The following IFT88 variants were observed in gnomAD, a reference collection of about 807,000 sequenced individuals.
IFT88 encodes the protein intraflagellar transport protein 88 homolog.
A neutral mutation model predicts 119.5 loss-of-function variants in IFT88; 74 were observed. The observed-to-expected ratio is 0.62, with a 90% CI of 0.51 to 0.75. IFT88 has a LOEUF of 0.75. Among genes scored for constraint, IFT88 ranks in the 30% least tolerant of loss-of-function variants. The pLI is 0.00. For missense variants in IFT88, 961 were observed against 977.7 expected, an observed-to-expected ratio of 0.98 and a Z score of 0.23; for synonymous variants, 279 against 316.7, an observed-to-expected ratio of 0.88 and a Z score of 1.26.
intron 23 of IFT88, among the ~76,000 whole-genome samples, chr13:20,669,526 C>T (rs1001930970): frequency 1.3e-5 from 2 of 151,426 alleles, no homozygotes; most frequent in African/African-American, 2.4e-5. Context: ...CAGGTTCAAG[C>T]GATTCTTCTG....
chr13:20,653,577 TC>T (rs1378194356), intron 20 of IFT88, among the ~76,000 whole-genome samples: 2 of 150,034 alleles, frequency 1.3e-5, no homozygotes, highest in Non-Finnish European at 3.0e-5. Flanking sequence ...AAAGTAATGA[TC>T]CTTTAAGTTT....
chr13:20,620,847 T>C (rs58267814), intron 14 of IFT88, among the ~76,000 whole-genome samples: 202 of 152,200 alleles, frequency 1.3e-3, no homozygotes, highest in African/African-American at 4.3e-3. Context: ...ACTTTTTGAA[T>C]GGAATTAGTG....
chr13:20,572,795 A>G (rs1305944325), intron 1 of IFT88, among the ~76,000 whole-genome samples: 1 of 152,076 alleles, frequency 6.6e-6, no homozygotes, highest in African/African-American at 2.4e-5. Flanking sequence ...CCCCATCCCC[A>G]AGAAGCGATC....
chr13:20,617,379 A>G (rs1401153264), intron 14 of IFT88, among the ~76,000 whole-genome samples: 4 of 152,110 alleles, frequency 2.6e-5, no homozygotes, highest in Non-Finnish European at 5.9e-5. Flanking sequence ...CTGCTGGGGA[A>G]TGTGGAATGT....
chr13:20,597,114 TACTC>T lies in IFT88; in HGVS notation c.591_594del (p.Tyr197Ter), dbSNP rs1189171119. The T allele has an allele frequency of 2.6e-6, 4 of 1,561,190 alleles. No homozygotes were observed. The highest frequency in any genetic ancestry group is 3.5e-6 in the Non-Finnish European group (4 of 1,139,648). On this transcript the variant is annotated frameshift_variant and splice_region_variant, in exon 9 of 26. Transcript: ENST00000351808. LOFTEE classifies it high-confidence loss of function. ...AGAAAATATCAATTTGGATTTAACT[TACTC>T]AGTAAGTATTGAAATATAACACAAT... is the stretch of plus-strand genomic sequence containing the variant.
Position 20,601,918 on chromosome 13 carries a change from A to T in IFT88, c.1026A>T (p.Lys342Asn). ...TTCCATTAGAAATTGATGAAGATAA[A>T]TATATTTCACCAAGTGTGAGTATGA... ...ITVPLEIDEDKYISPSDDPHT... is the reference protein window; with the variant it reads ...ITVPLEIDEDNYISPSDDPHT... Residue 342 changes from lysine to asparagine, a missense_variant, in exon 12 of 26, where the codon AAA becomes AAT. By Grantham distance (94) the Lys-to-Asn change is moderately conservative (BLOSUM62 0). Coordinates refer to ENST00000351808, the MANE Select transcript of IFT88 (RefSeq NM_006531.5). 6.4e-7 allele frequency: 1 copy of T among 1,564,910 alleles called. No homozygotes were observed. Among genetic ancestry groups the T allele is most frequent in the South Asian group, 1.1e-5 (1 of 90,004 alleles).
chr13:20,591,030 T>C lies in IFT88; in HGVS notation c.264+10T>C. The C allele has an allele frequency of 1.3e-6, 2 of 1,595,420 alleles. No individual in the cohort carries two copies. Among genetic ancestry groups the C allele is most frequent in the East Asian group, 2.2e-5 (1 of 44,452 alleles). On this transcript the variant is annotated intron_variant, in intron 5 of 25. Coordinates refer to ENST00000351808, the MANE Select transcript of IFT88 (RefSeq NM_006531.5). ...GACAGGGGCTATTCAGGTATCTCTA[T>C]TGGATGCATGTTCATTTTGTGCCTT...
At chr13:20,572,754 C>A (rs1319492390) in intron 1 of IFT88, among the ~76,000 whole-genome samples, 2 of 152,110 alleles carry the variant, frequency 1.3e-5, no homozygotes, top group African/African-American at 2.4e-5. Context: ...CCAGAAAATT[C>A]TCTCATGTCC....
At chr13:20,663,648 A>G (rs1318233408) in intron 23 of IFT88, 44 bp downstream of exon 23, 1 of 1,360,152 alleles carries the variant, frequency 7.4e-7, no homozygotes, top group Admixed American at 1.8e-5. Flanking sequence ...AATTTTTAGA[A>G]TGTCAGCCTT....
intron 3 of IFT88, among the ~76,000 whole-genome samples, chr13:20,587,131 A>G (rs185118646): frequency 1.3e-5 from 2 of 152,320 alleles, no homozygotes; most frequent in East Asian, 3.9e-4. Flanking sequence ...AATGTCCCAA[A>G]TGCATTCTTG....
chr13:20,593,374 T>C (rs995759817), intron 7 of IFT88, among the ~76,000 whole-genome samples: 9 of 152,100 alleles, frequency 5.9e-5, no homozygotes, highest in African/African-American at 2.2e-4. Context: ...GAAGCCCAGC[T>C]ATCTTAACTT....
At chr13:20,640,859 C>T (rs2049825183) in intron 17 of IFT88, among the ~76,000 whole-genome samples, 2 of 151,724 alleles carry the variant, frequency 1.3e-5, no homozygotes, top group South Asian at 4.2e-4. Flanking sequence ...AAAAAATCCT[C>T]AGTTGGCCGG....
At chr13:20,645,910 T>TA (rs2050677681) in intron 20 of IFT88, among the ~76,000 whole-genome samples, 1 of 152,228 alleles carries the variant, frequency 6.6e-6, no homozygotes, top group African/African-American at 2.4e-5. Flanking sequence ...TTGAGAATTA[T>TA]AAAATTAATT....
chr13:20,585,473 C>T (rs2039492595), intron 3 of IFT88, among the ~76,000 whole-genome samples: 1 of 152,340 alleles, frequency 6.6e-6, no homozygotes, highest in African/African-American at 2.4e-5. Context: ...CACAGTGTGA[C>T]AGTACTTGAA....
chr13:20,587,914 C>G (rs540576341), intron 3 of IFT88, among the ~76,000 whole-genome samples: 5 of 148,700 alleles, frequency 3.4e-5, no homozygotes, highest in Admixed American at 2.0e-4. Context: ...GTCTAACAAT[C>G]TTATTATTTT....
intron 4 of IFT88, among the ~76,000 whole-genome samples, chr13:20,590,110 C>T (rs1340230365): frequency 6.6e-6 from 1 of 152,092 alleles, no homozygotes; most frequent in Non-Finnish European, 1.5e-5. Flanking sequence ...TGTTCGTTGA[C>T]GTCCTTTCAT....
At chr13:20,597,629 A>T (rs7986514) in intron 9 of IFT88, among the ~76,000 whole-genome samples, 1 of 151,748 alleles carries the variant, frequency 6.6e-6, no homozygotes, top group Non-Finnish European at 1.5e-5. Context: ...CTGTAGTCCC[A>T]GCTACTTGGG....
intron 7 of IFT88, among the ~76,000 whole-genome samples, chr13:20,593,982 T>A (rs2138797562): frequency 6.6e-6 from 1 of 151,088 alleles, no homozygotes; most frequent in African/African-American, 2.4e-5. Flanking sequence ...GCCCAGGAGG[T>A]GGTAGCTGCA....
intron 2 of IFT88, among the ~76,000 whole-genome samples, chr13:20,579,551 T>A (rs1428411857): frequency 1.3e-5 from 2 of 152,134 alleles, no homozygotes; most frequent in Admixed American, 6.5e-5. Flanking sequence ...AGGCAGTGGG[T>A]GTCCCTCTGG....
Sources: allele counts gnomAD v4.1 joint callset (sites outside exome capture counted in the v4.1 genomes callset), GRCh38; gene constraint gnomAD v4.1.1; transcripts MANE v1.5; gene names NCBI Gene and HGNC (gene_info 2026-07-23, HGNC 2026-07-21).